Variants in ALDH4A1 observed in about 807,000 individuals in gnomAD.
ALDH4A1 encodes the protein delta-1-pyrroline-5-carboxylate dehydrogenase, mitochondrial.
ALDH4A1 carries 46 observed loss-of-function variants against 70.5 expected under a neutral mutation model. That is an observed-to-expected ratio of 0.65 (90% CI 0.51 to 0.83). The LOEUF (loss-of-function observed/expected upper bound fraction) is 0.83. ALDH4A1 is among the 40% of genes least tolerant of loss of function. The pLI is 0.00. For synonymous variants in ALDH4A1, 323 were observed against 324.3 expected, an observed-to-expected ratio of 1.00 and a Z score of 0.04; for missense variants, 749 against 766.5, an observed-to-expected ratio of 0.98 and a Z score of 0.27.
intron 8 of ALDH4A1, 80 bp downstream of exon 8, chr1:18,881,620 G>A (rs1934968869): frequency 1.3e-6 from 2 of 1,518,340 alleles, no homozygotes; most frequent in Non-Finnish European, 9.1e-7. Flanking sequence ...TGGGTTCACA[G>A]CCCCATCCCC....
At chr1:18,876,513 T>A (rs554094281) in intron 11 of ALDH4A1, 46 bp from the exon 12 acceptor site, 1 of 1,536,116 alleles carries the variant, frequency 6.5e-7, no homozygotes, top group South Asian at 1.2e-5. Flanking sequence ...TGGGAAGGCA[T>A]CCCTGCGGCA....
At chr1:18,901,894 A>G (rs1935810358) in intron 1 of ALDH4A1, among the ~76,000 whole-genome samples, 1 of 151,432 alleles carries the variant, frequency 6.6e-6, no homozygotes, top group Non-Finnish European at 1.5e-5. Context: ...ACCTACAAGA[A>G]GAAAGGAATC....
chr1:18,883,638 G>A (rs887732592), intron 5 of ALDH4A1, among the ~76,000 whole-genome samples: 3 of 152,244 alleles, frequency 2.0e-5, no homozygotes, highest in East Asian at 3.8e-4. Flanking sequence ...CCGGCCCTCT[G>A]GGCTGGACGG....
At chr1:18,899,056 A>G (rs557963151) in intron 1 of ALDH4A1, among the ~76,000 whole-genome samples, 2 of 152,224 alleles carry the variant, frequency 1.3e-5, no homozygotes, top group Non-Finnish European at 2.9e-5. Context: ...TACTGAAGGG[A>G]CAGAAGCTGC....
At position 18,890,881 on chromosome 1, in the gene ALDH4A1, C is replaced by A. The variant is rs925445331; in HGVS notation, c.63-776G>T. The stretch of plus-strand genomic sequence containing the variant: ...TCTCAGAATGTGAACCAGCTGAGAT[C>A]CCCTTGGCACAAAGGGCTGAGAGCT... On this transcript the variant is annotated intron_variant, in intron 1 of 14. Coordinates refer to ENST00000375341, the MANE Select transcript of ALDH4A1 (RefSeq NM_003748.4). The A allele has an allele frequency of 5.1e-6, 5 of 985,356 alleles. No individual in the cohort carries two copies. In the African/African-American group the frequency reaches 8.7e-5, roughly 17 times the overall value. 61.0% of individuals were successfully genotyped at this position (985,356 alleles called of 1,614,324 possible).
Position 18,881,851 on chromosome 1 carries a change from T to C in ALDH4A1, c.715A>G (p.Met239Val), listed in dbSNP as rs1294158454. The C allele has an allele frequency of 6.2e-7, 1 of 1,613,820 alleles. No individual in the cohort carries two copies. Among genetic ancestry groups the C allele is most frequent in the South Asian group, 1.1e-5 (1 of 91,086 alleles). Reference protein sequence around the residue: ...VVLWKPSDTAMLASYAVYRIL... With the variant: ...VVLWKPSDTAVLASYAVYRIL... ...CGGTAGACAGCATAGCTGGCCAGCA[T>C]GGCAGTGTCACTGGGCTTCCATAGG... The change falls in exon 8 of 15, where the codon ATG (methionine) becomes GTG (valine). Residue 239 changes from methionine to valine, a missense_variant. By Grantham distance (21) the Met-to-Val change is conservative. Transcript: ENST00000375341.
At chr1:18,873,453 T>G (rs1362602105) in intron 14 of ALDH4A1, among the ~76,000 whole-genome samples, 2 of 152,112 alleles carry the variant, frequency 1.3e-5, no homozygotes, top group Non-Finnish European at 2.9e-5. Flanking sequence ...TGGCACTGAT[T>G]GGCAAAGGAA....
At chr1:18,883,257 GC>G (rs1935058385) in intron 6 of ALDH4A1, 21 bp downstream of exon 6, 3 of 1,613,142 alleles carry the variant, frequency 1.9e-6, no homozygotes. Flanking sequence ...CCGCCTGCTC[GC>G]CCACTGCCTC....
chr1:18,878,476 T>G (rs1934821372), intron 9 of ALDH4A1, among the ~76,000 whole-genome samples: 3 of 152,044 alleles, frequency 2.0e-5, no homozygotes, highest in Admixed American at 2.0e-4. Flanking sequence ...GACTCCCCAG[T>G]GGGCCCCAAT....
At chr1:18,886,608 T>A in intron 3 of ALDH4A1, 97 bp from the exon 4 acceptor site, 1 of 1,306,476 alleles carries the variant, frequency 7.7e-7, no homozygotes, top group Non-Finnish European at 1.1e-6. Context: ...AGGAAAGTCC[T>A]GGACACGCCT....
intron 7 of ALDH4A1, chr1:18,882,574 A>T (rs1190654222): frequency 1.9e-6 from 1 of 533,490 alleles, no homozygotes; most frequent in Non-Finnish European, 3.8e-6. Flanking sequence ...CTGCTCCATC[A>T]TTTATTTACT....
chr1:18,874,517 T>C lies in ALDH4A1; in HGVS notation c.1525A>G (p.Lys509Glu), dbSNP rs763710453. ...TGGCCCACTATCGAGCCAGTGGACT[T>C]GTCGTTGATGTAGAAGTTGCCGGCA... ...NAAGNFYIND[K>E]STGSIVGQQP... The change falls in exon 14 of 15, where the codon AAG becomes GAG. Residue 509 changes from lysine to glutamate, a missense_variant. Lys to Glu is a moderately conservative substitution (Grantham distance 56). Coordinates refer to ENST00000375341, the MANE Select transcript of ALDH4A1 (RefSeq NM_003748.4). 17 of 1,614,056 alleles carry C rather than the reference T, an allele frequency of 1.1e-5. No individual in the cohort carries two copies. Among genetic ancestry groups the C allele is most frequent in the Non-Finnish European group, 1.4e-5 (16 of 1,180,036 alleles).
rs568234151 is a variant in ALDH4A1, at chr1:18,887,922, G to A, written c.250-1411C>T. ...GTCTTCCCTTCAAAACCTAATGCCC[G>A]GCAGTGGTGAACGCTAGCATGACCA... On this transcript the variant is annotated intron_variant, in intron 3 of 14. Coordinates refer to ENST00000375341, the MANE Select transcript of ALDH4A1 (RefSeq NM_003748.4). Among the ~76,000 whole-genome samples, 11 of 152,296 alleles carry A rather than the reference G, an allele frequency of 7.2e-5. No homozygotes were observed. The South Asian group carries it at 2.1e-3, about 29-fold the overall frequency.
intron 1 of ALDH4A1, among the ~76,000 whole-genome samples, chr1:18,895,158 C>G (rs1935574984): frequency 6.6e-6 from 1 of 152,204 alleles, no homozygotes; most frequent in Non-Finnish European, 1.5e-5. Flanking sequence ...GTGCCTGGCT[C>G]TGGGAGGCAG....
At chr1:18,899,787 T>C (rs961036571) in intron 1 of ALDH4A1, among the ~76,000 whole-genome samples, 1 of 152,208 alleles carries the variant, frequency 6.6e-6, no homozygotes, top group Non-Finnish European at 1.5e-5. Flanking sequence ...AAGGCCACAC[T>C]TTATGGTGAT....
chr1:18,890,298 T>C (rs756024772), intron 1 of ALDH4A1, 193 bp from the exon 2 acceptor site: 12 of 557,310 alleles, frequency 2.2e-5, no homozygotes, highest in Non-Finnish European at 3.6e-5. Flanking sequence ...TCCCAGCACT[T>C]TGGGAGACCA....
rs185495262 is a variant in ALDH4A1 at position 18,883,866 on chromosome 1, G to A, written c.454-438C>T. Reference sequence around the variant, plus strand: ...AGGAGAGAGACTCGGTGTGTGGGAGGTGGATGGCTCCTTCCCCAGGAATGA... The same window carrying A: ...AGGAGAGAGACTCGGTGTGTGGGAGATGGATGGCTCCTTCCCCAGGAATGA... On this transcript the variant is annotated intron_variant, in intron 5 of 14. Transcript: ENST00000375341. 1.4e-4 allele frequency among the ~76,000 whole-genome samples: 21 copies of A among 152,324 alleles called. 1 individual carries two copies. In the East Asian group the frequency reaches 3.1e-3, roughly 22 times the overall value.
intron 10 of ALDH4A1, 62 bp downstream of exon 10, chr1:18,877,354 C>T (rs1056413751): frequency 1.3e-6 from 2 of 1,553,322 alleles, no homozygotes; most frequent in African/African-American, 1.4e-5. Flanking sequence ...AGAGGAGCCT[C>T]CCAGGGACCC....
At chr1:18,892,791 C>T (rs966933563) in intron 1 of ALDH4A1, among the ~76,000 whole-genome samples, 3 of 152,108 alleles carry the variant, frequency 2.0e-5, no homozygotes, top group African/African-American at 7.2e-5. Flanking sequence ...TCCCTCCCTC[C>T]CTAAAACACT....
Sources: gnomAD v4.1 joint callset for allele counts (sites outside exome capture counted in the v4.1 genomes callset) on GRCh38, gnomAD v4.1.1 for gene constraint, MANE v1.5 for transcripts, NCBI Gene and HGNC (gene_info 2026-07-23, HGNC 2026-07-21) for gene names.